PIPOX: variants seen among roughly 807,000 people sequenced by gnomAD.
PIPOX encodes the protein pipecolic acid and sarcosine oxidase, also known as peroxisomal sarcosine oxidase.
PIPOX carries 45 observed loss-of-function variants against 47.9 expected under a neutral mutation model. The observed-to-expected ratio is 0.94, with a 90% CI of 0.74 to 1.20. The LOEUF (loss-of-function observed/expected upper bound fraction) is 1.20. PIPOX is among the 50% of genes most tolerant of loss of function. The probability of loss-of-function intolerance (pLI) is 0.00; values close to 1 mark genes in which losing one functional copy is unlikely to be tolerated. For missense variants in PIPOX, 458 were observed against 498.4 expected, an observed-to-expected ratio of 0.92 and a Z score of 0.77; for synonymous variants, 165 against 191.3, an observed-to-expected ratio of 0.86 and a Z score of 1.13.
intron 2 of PIPOX, among the ~76,000 whole-genome samples, chr17:29,045,873 C>T (rs574041800): frequency 3.7e-4 from 57 of 152,284 alleles, no homozygotes; most frequent in African/African-American, 1.3e-3. Context: ...TGAGCCTCCA[C>T]GTCTTTCTCT....
chr17:29,053,753 G>A (rs1759555711), intron 4 of PIPOX, 158 bp downstream of exon 4: 5 of 528,840 alleles, frequency 9.5e-6, no homozygotes, highest in East Asian at 2.8e-5. Context: ...TAATATGGGG[G>A]ATGATAGCTA....
chr17:29,052,287 C>CA (rs2065809357), intron 2 of PIPOX, among the ~76,000 whole-genome samples: 1 of 152,208 alleles, frequency 6.6e-6, no homozygotes, highest in South Asian at 2.1e-4. Context: ...GAACTTCCAC[C>CA]ACTTCCAAGC....
chr17:29,056,084 A>T (rs958796489), intron 7 of PIPOX, 91 bp from the exon 8 acceptor site: 2 of 1,524,276 alleles, frequency 1.3e-6, no homozygotes, highest in African/African-American at 2.7e-5. Context: ...GACCAGGAGG[A>T]CAGTCAGCCC....
Position 29,045,403 on chromosome 17 carries a change from CTTTTTTTTTT to C in PIPOX, c.263+415_263+424del, listed in dbSNP as rs57047541. 4.1e-4 allele frequency among the ~76,000 whole-genome samples: 21 copies of C among 50,980 alleles called. 1 individual carries two copies. Among genetic ancestry groups the C allele is most frequent in the South Asian group, 3.0e-3 (3 of 1,004 alleles). 33.4% of individuals were successfully genotyped at this position (50,980 alleles called of 152,430 possible). A position where few individuals can be genotyped will look rare whatever the true frequency, so the allele number is the denominator to read the frequency against. ...GGAGGAGGCTGCTTTCAGGAGGATT[CTTTTTTTTTT>C]TTTTTTTTTTTTTTTTTTGACAGAG... On this transcript the variant is annotated intron_variant, in intron 2 of 7. Transcript: ENST00000323372.
intron 2 of PIPOX, chr17:29,046,723 A>C: frequency 1.0e-6 from 1 of 985,420 alleles, no homozygotes; most frequent in African/African-American, 1.7e-5. Context: ...GACTCTCAGA[A>C]GCGCACAATC....
At position 29,043,174 on chromosome 17, in the gene PIPOX, C is replaced by T. The variant is rs575103769; in HGVS notation, c.-52C>T. On this transcript the variant is annotated 5_prime_UTR_variant, in exon 1 of 8. Transcript: ENST00000323372. ...CCTCGTCCTTTAGCCGGGAGCCTGT[C>T]TTTGCTTGCCTTTGCCTTTGAGGCT... The T allele has an allele frequency of 7.0e-7, 1 of 1,422,778 alleles. No individual in the cohort carries two copies. The highest frequency in any genetic ancestry group is 1.4e-5 in the African/African-American group (1 of 71,080). 88.1% of individuals were successfully genotyped at this position (1,422,778 alleles called of 1,614,324 possible).
At chr17:29,052,300 T>C (rs1254702173) in intron 2 of PIPOX, among the ~76,000 whole-genome samples, 1 of 152,172 alleles carries the variant, frequency 6.6e-6, no homozygotes, top group Non-Finnish European at 1.5e-5. Flanking sequence ...TTCCAAGCCA[T>C]GGGACATGAA....
In PIPOX at chr17:29,055,886, C is replaced by T; in HGVS notation, c.1040C>T (p.Ser347Phe). ...YDNIVIGAGF[S>F]GHGFKLAPVV... is the part of the protein sequence containing the mutation. ...AACATTGTCATTGGTGCTGGATTCT[C>T]TGGTGAGTCTGAGCTGGGGGGAATG... The change falls in exon 7 of 8, where the codon TCT becomes TTT. Residue 347 changes from serine (S) to phenylalanine (F), a missense_variant and splice_region_variant. Physicochemically the swap from Ser to Phe is radical, Grantham distance 155. Coordinates refer to ENST00000323372, the MANE Select transcript of PIPOX (RefSeq NM_016518.3). The T allele has an allele frequency of 1.2e-6, 2 of 1,613,802 alleles. No homozygotes were observed. The highest frequency in any genetic ancestry group is 1.7e-6 in the Non-Finnish European group (2 of 1,179,698).
At position 29,052,997 on chromosome 17, in the gene PIPOX, G is replaced by T. The variant is rs2152698802; in HGVS notation, c.341G>T (p.Arg114Met). Residue 114 changes from arginine (R) to methionine (M), a missense_variant, in exon 3 of 8, where the codon AGG becomes ATG. Coordinates refer to ENST00000323372, the MANE Select transcript of PIPOX (RefSeq NM_016518.3). ...KTIQANLSRQ[R>M]VEHQCLSSEE... ...ATCCAGGCCAATCTGTCGAGGCAGA[G>T]GGTAGAACACCAGTGTCTTTCATCT... 2 of 1,614,240 alleles carry T rather than the reference G, an allele frequency of 1.2e-6. No homozygotes were observed. Among genetic ancestry groups the T allele is most frequent in the East Asian group, 4.5e-5 (2 of 44,886 alleles).
Position 29,052,981 on chromosome 17 carries a change from A to C in PIPOX, c.325A>C (p.Asn109His). ...ENQELKTIQA[N>H]LSRQRVEHQC... ...TCAAGAATTAAAGACAATCCAGGCC[A>C]ATCTGTCGAGGCAGAGGGTAGAACA... is the stretch of plus-strand genomic sequence containing the variant. Residue 109 changes from asparagine (N) to histidine (H), a missense_variant, in exon 3 of 8, where the codon AAT (asparagine) becomes CAT (histidine). Transcript: ENST00000323372. 6.2e-7 allele frequency: 1 copy of C among 1,614,284 alleles called. No individual in the cohort carries two copies. Among genetic ancestry groups the C allele is most frequent in the Non-Finnish European group, 8.5e-7 (1 of 1,180,046 alleles).
At chr17:29,050,105 C>A (rs2065800355) in intron 2 of PIPOX, among the ~76,000 whole-genome samples, 1 of 152,018 alleles carries the variant, frequency 6.6e-6, no homozygotes, top group South Asian at 2.1e-4. Context: ...ATAGTACATC[C>A]CTGTAAGAGG....
intron 4 of PIPOX, 139 bp from the exon 5 acceptor site, chr17:29,054,406 T>C (rs1044872102): frequency 1.3e-6 from 1 of 792,922 alleles, no homozygotes; most frequent in African/African-American, 1.7e-5. Context: ...ACATGAGAAG[T>C]GGGAGAGACA....
intron 2 of PIPOX, among the ~76,000 whole-genome samples, chr17:29,051,120 T>TG (rs2065804488): frequency 6.6e-6 from 1 of 151,572 alleles, no homozygotes; most frequent in African/African-American, 2.4e-5. Flanking sequence ...GACTCTGTCT[T>TG]GGGAAAAAAA....
At chr17:29,055,347 G>T in intron 6 of PIPOX, 126 bp downstream of exon 6, 1 of 1,122,042 alleles carries the variant, frequency 8.9e-7, no homozygotes, top group African/African-American at 1.5e-5. Context: ...TTAAACAAAC[G>T]GGCTCATTTC....
rs1334217142 is a variant in PIPOX at position 29,056,569 on chromosome 17, C to G, written c.*264C>G. 1 of 540,216 alleles carries G rather than the reference C, an allele frequency of 1.9e-6. No homozygotes were observed. Among genetic ancestry groups the G allele is most frequent in the Admixed American group, 3.3e-5 (1 of 30,578 alleles). 33.5% of individuals were successfully genotyped at this position (540,216 alleles called of 1,614,324 possible). ...CTCCCCATTCACAACTACTTTCTCGCTCCCAGAAGGTTGATCAGATATTCT... is the reference window on the plus strand; with the variant it reads ...CTCCCCATTCACAACTACTTTCTCGGTCCCAGAAGGTTGATCAGATATTCT... On this transcript the variant is annotated 3_prime_UTR_variant, in exon 8 of 8. Transcript: ENST00000323372.
chr17:29,048,580 T>G (rs76119292), intron 2 of PIPOX, among the ~76,000 whole-genome samples: 26,026 of 152,242 alleles, frequency 0.17, 2,257 homozygotes, highest in East Asian at 0.26. Context: ...ATCTCTTTCC[T>G]GCCCCGCCTT....
chr17:29,048,077 C>T (rs2065792136), intron 2 of PIPOX, among the ~76,000 whole-genome samples: 2 of 152,172 alleles, frequency 1.3e-5, no homozygotes, highest in Admixed American at 6.5e-5. Context: ...ACCTAATGTA[C>T]TCAGGCACAC....
intron 2 of PIPOX, chr17:29,051,826 G>A (rs1328812952): frequency 7.2e-6 from 3 of 415,490 alleles, no homozygotes; most frequent in African/African-American, 6.1e-5. Context: ...CATTGCAGGT[G>A]TAGCATCCCG....
Position 29,045,203 on chromosome 17 carries a change from G to A in PIPOX, c.263+196G>A, listed in dbSNP as rs540992547. 1.4e-4 allele frequency among the ~76,000 whole-genome samples: 22 copies of A among 152,292 alleles called. No individual in the cohort carries two copies. The South Asian group carries it at 4.3e-3, about 30-fold the overall frequency. On this transcript the variant is annotated intron_variant, in intron 2 of 7. Coordinates refer to ENST00000323372, the MANE Select transcript of PIPOX (RefSeq NM_016518.3). The stretch of plus-strand genomic sequence containing the variant: ...GTCCAGCTGACTCTGGCCAGGCTCT[G>A]CGTTGCAGGACTGGGTTCAGACCAT...
Sources: gnomAD v4.1 joint callset for allele counts (sites outside exome capture counted in the v4.1 genomes callset) on GRCh38, gnomAD v4.1.1 for gene constraint, MANE v1.5 for transcripts, NCBI Gene and HGNC (gene_info 2026-07-23, HGNC 2026-07-21) for gene names.